MTR: variants seen among roughly 807,000 people sequenced by gnomAD.
MTR encodes methionine synthase.
Under a neutral mutation model 154.8 loss-of-function variants are expected in MTR, and 84 were observed. The observed-to-expected ratio is 0.54, with a 90% confidence interval of 0.45 to 0.65. The LOEUF (loss-of-function observed/expected upper bound fraction) is 0.65, where lower values mean the gene tolerates loss of function less well. MTR is among the 30% of genes least tolerant of loss of function. The probability of loss-of-function intolerance (pLI) is 0.00; values close to 1 mark genes in which losing one functional copy is unlikely to be tolerated. For missense variants in MTR, 1,275 were observed against 1,570.2 expected, an observed-to-expected ratio of 0.81 and a Z score of 3.18; for synonymous variants, 554 against 553.9, an observed-to-expected ratio of 1.00 and a Z score of 0.00.
Position 236,885,206 on chromosome 1 carries a change from A to G in MTR, c.2762A>G (p.Tyr921Cys), listed in dbSNP as rs1665949687. ...EEYEDIRQDH[Y>C]ESLKERRYLP... ...TATGAAGATATTAGACAGGACCATT[A>G]TGAGTCTCTCAAGGTAAGTGGTAGA... Residue 921 changes from tyrosine to cysteine, a missense_variant, in exon 26 of 33, where the codon TAT (tyrosine) becomes TGT (cysteine). Transcript: ENST00000366577. The G allele has an allele frequency of 6.3e-7, 1 of 1,584,274 alleles. No individual in the cohort carries two copies. Among genetic ancestry groups the G allele is most frequent in the East Asian group, 2.2e-5 (1 of 44,752 alleles).
rs558749023 is a variant in MTR, at chr1:236,805,075, C to T, written c.250-1069C>T. On this transcript the variant is annotated intron_variant, in intron 2 of 32. Transcript: ENST00000366577. ...ATATTTCGGATGTTTGTTATTGTTA[C>T]TATAAATGTGCGTATCTTGGTTTTT... is the stretch of plus-strand genomic sequence containing the variant. Among the ~76,000 whole-genome samples, 8 of 152,252 alleles carry T rather than the reference C, an allele frequency of 5.3e-5. No homozygotes were observed. In the South Asian group the frequency reaches 1.7e-3, roughly 32 times the overall value.
At chr1:236,809,154 T>A (rs941602329) in intron 4 of MTR, among the ~76,000 whole-genome samples, 3 of 152,212 alleles carry the variant, frequency 2.0e-5, no homozygotes, top group African/African-American at 7.2e-5. Flanking sequence ...ATTAGGATAA[T>A]TGATCTCATT....
Position 236,885,165 on chromosome 1 carries a change from G to A in MTR, c.2721G>A (p.Glu907=). The change falls in exon 26 of 33, where the codon GAG becomes GAA. Residue 907 remains glutamate (E), a synonymous_variant. Coordinates refer to ENST00000366577, the MANE Select transcript of MTR (RefSeq NM_000254.3). ...AAAATCTAAAGGATGAATACTTTGA[G>A]GAAATCATGGAAGAATATGAAGATA... The part of the protein sequence containing the change: ...LDENLKDEYF[E]EIMEEYEDIR... 1 of 1,610,352 alleles carries A rather than the reference G, an allele frequency of 6.2e-7. No individual in the cohort carries two copies. The highest frequency in any genetic ancestry group is 8.5e-7 in the Non-Finnish European group (1 of 1,176,688).
At chr1:236,844,734 G>T (rs1486981885) in intron 15 of MTR, among the ~76,000 whole-genome samples, 1 of 152,144 alleles carries the variant, frequency 6.6e-6, no homozygotes, top group East Asian at 1.9e-4. Context: ...AGGCATGCTG[G>T]TTGATGTGCT....
At chr1:236,819,939 C>G in intron 8 of MTR, 1 of 1,072,744 alleles carries the variant, frequency 9.3e-7, no homozygotes, top group Non-Finnish European at 1.4e-6. Flanking sequence ...AGTTGCTGGC[C>G]GCTTCACTTC....
In MTR at chr1:236,873,936, A is replaced by G. The variant is rs2147878726; in HGVS notation, c.2473+96A>G. 4.9e-6 allele frequency: 6 copies of G among 1,221,782 alleles called. No individual in the cohort carries two copies. In the South Asian group the frequency reaches 6.1e-5, roughly 12 times the overall value. 75.7% of individuals were successfully genotyped at this position (1,221,782 alleles called of 1,614,324 possible). Reference sequence around the variant, plus strand: ...GTCTGTCAGTGAATAGTGATGCCCCATGAGGGTTCTGTGGGACATACAATC... The same window carrying G: ...GTCTGTCAGTGAATAGTGATGCCCCGTGAGGGTTCTGTGGGACATACAATC... On this transcript the variant is annotated intron_variant, in intron 23 of 32. Coordinates refer to ENST00000366577, the MANE Select transcript of MTR (RefSeq NM_000254.3).
At position 236,812,673 on chromosome 1, in the gene MTR, G is replaced by A; in HGVS notation, c.503-65G>A. Reference sequence around the variant, plus strand: ...TCACAGGTGCCAGACCTACACTCGAGATACCCTAGGGCCATTCAGAGGATA... The same window carrying A: ...TCACAGGTGCCAGACCTACACTCGAAATACCCTAGGGCCATTCAGAGGATA... On this transcript the variant is annotated intron_variant, in intron 5 of 32. Transcript: ENST00000366577. The A allele has an allele frequency of 3.9e-6, 5 of 1,287,684 alleles. No homozygotes were observed. The South Asian group carries it at 5.9e-5, about 15-fold the overall frequency. 79.8% of individuals were successfully genotyped at this position (1,287,684 alleles called of 1,614,324 possible).
chr1:236,874,405 T>C (rs1665313073), intron 23 of MTR, among the ~76,000 whole-genome samples: 1 of 151,934 alleles, frequency 6.6e-6, no homozygotes, highest in Non-Finnish European at 1.5e-5. Flanking sequence ...TGAAACCCTG[T>C]CTCTACTAAA....
chr1:236,852,302 T>G (rs150401726), intron 16 of MTR, among the ~76,000 whole-genome samples: 1 of 152,022 alleles, frequency 6.6e-6, no homozygotes. Context: ...TTAGGGAGAT[T>G]GGAGTCTAGT....
chr1:236,820,213 T>G, intron 8 of MTR: 1 of 758,142 alleles, frequency 1.3e-6, no homozygotes, highest in Non-Finnish European at 2.4e-6. Context: ...CTGTGAACAC[T>G]TGCGGGAGGT....
At position 236,844,019 on chromosome 1, in the gene MTR, A is replaced by G. The variant is rs1417058652; in HGVS notation, c.1515+5420A>G. 3.3e-5 allele frequency among the ~76,000 whole-genome samples: 5 copies of G among 152,160 alleles called. No individual in the cohort carries two copies. The East Asian group carries it at 9.6e-4, about 29-fold the overall frequency. The stretch of plus-strand genomic sequence containing the variant: ...GAGACTGGCTGAGCTCACCAAAGGA[A>G]TGACTGTAGAGAAGTCCTAGGACTA... On this transcript the variant is annotated intron_variant, in intron 15 of 32. Transcript: ENST00000366577.
intron 14 of MTR, among the ~76,000 whole-genome samples, chr1:236,837,423 T>C (rs189132372): frequency 3.9e-5 from 6 of 152,200 alleles, no homozygotes; most frequent in Non-Finnish European, 7.3e-5. Flanking sequence ...CCCTGAAATA[T>C]GCTTCCATGG....
intron 25 of MTR, among the ~76,000 whole-genome samples, chr1:236,884,351 A>G (rs1295926434): frequency 6.6e-6 from 1 of 152,220 alleles, no homozygotes; most frequent in Non-Finnish European, 1.5e-5. Flanking sequence ...GATGAATAGA[A>G]TATCTTTGAA....
At chr1:236,830,972 A>G (rs1662577225) in intron 12 of MTR, among the ~76,000 whole-genome samples, 1 of 152,200 alleles carries the variant, frequency 6.6e-6, no homozygotes, top group Non-Finnish European at 1.5e-5. Context: ...TTTATTAACA[A>G]TGAAAGCAGT....
chr1:236,797,445 G>A (rs1042413122), intron 1 of MTR, among the ~76,000 whole-genome samples: 1 of 152,046 alleles, frequency 6.6e-6, no homozygotes, highest in Non-Finnish European at 1.5e-5. Flanking sequence ...AAGTTTCTTG[G>A]TTTCATCCTT....
At chr1:236,800,063 T>C (rs1660622967) in intron 1 of MTR, 3 of 985,162 alleles carry the variant, frequency 3.0e-6, no homozygotes, top group Admixed American at 6.2e-5. Context: ...ATTTCTGGAT[T>C]GAAAAGGGAA....
rs191153280 is a variant in MTR at position 236,812,135 on chromosome 1, A to G, written c.503-603A>G. ...TGACCTCAAGTGATCTGCTCACCCC[A>G]GGCCCCCACAGTGCTGGCGTGAGCC... is the stretch of plus-strand genomic sequence containing the variant. On this transcript the variant is annotated intron_variant, in intron 5 of 32. Transcript: ENST00000366577. Among the ~76,000 whole-genome samples the G allele has an allele frequency of 1.5e-3, 223 of 152,356 alleles. 1 individual carries two copies. Among genetic ancestry groups the G allele is most frequent in the African/African-American group, 4.8e-3 (200 of 41,590 alleles).
chr1:236,850,579 A>G, intron 16 of MTR, 56 bp downstream of exon 16: 3 of 1,472,070 alleles, frequency 2.0e-6, no homozygotes, highest in East Asian at 4.5e-5. Flanking sequence ...CCATGGGTCT[A>G]ATGAATGGTT....
intron 24 of MTR, among the ~76,000 whole-genome samples, chr1:236,876,250 T>C (rs1011559021): frequency 3.3e-5 from 5 of 152,368 alleles, no homozygotes; most frequent in South Asian, 2.1e-4. Context: ...AACAGTATTA[T>C]GTGTCTTTTA....
Sources: gnomAD v4.1 joint callset for allele counts (sites outside exome capture counted in the v4.1 genomes callset) on GRCh38, gnomAD v4.1.1 for gene constraint, MANE v1.5 for transcripts, NCBI Gene and HGNC (gene_info 2026-07-23, HGNC 2026-07-21) for gene names.